Variants in LIN9 observed in about 807,000 individuals in gnomAD.
LIN9 encodes the protein protein lin-9 homolog.
In LIN9, 18 loss-of-function variants were observed where a neutral mutation model predicts 78.0. The observed-to-expected ratio is 0.23, with a 90% CI of 0.16 to 0.34. The LOEUF (loss-of-function observed/expected upper bound fraction) is 0.34, where lower values mean the gene tolerates loss of function less well. Ranked by LOEUF, LIN9 falls within the 10% of genes least tolerant of loss-of-function variation. The probability of loss-of-function intolerance (pLI) is 1.00; values close to 1 mark genes in which losing one functional copy is unlikely to be tolerated. For missense variants in LIN9, 451 were observed against 644.1 expected, an observed-to-expected ratio of 0.70 and a Z score of 3.25; for synonymous variants, 192 against 215.2, an observed-to-expected ratio of 0.89 and a Z score of 0.94.
At chr1:226,264,821 C>T (rs970785163) in intron 10 of LIN9, among the ~76,000 whole-genome samples, 5 of 152,038 alleles carry the variant, frequency 3.3e-5, no homozygotes, top group Non-Finnish European at 7.4e-5. Flanking sequence ...TGCACTCCAG[C>T]CTGGGCAACA....
intron 6 of LIN9, among the ~76,000 whole-genome samples, 184 bp downstream of exon 6, chr1:226,286,149 C>T (rs1474072996): frequency 6.6e-6 from 1 of 152,076 alleles, no homozygotes; most frequent in Non-Finnish European, 1.5e-5. Context: ...GGAATGGTCT[C>T]ACTGTGTTGC....
chr1:226,259,091 G>A (rs1047948322), intron 10 of LIN9, among the ~76,000 whole-genome samples: 2 of 151,020 alleles, frequency 1.3e-5, no homozygotes, highest in African/African-American at 4.9e-5. Flanking sequence ...CTCCCAAGTA[G>A]CTGGGATTAC....
chr1:226,265,723 T>C lies in LIN9; in HGVS notation c.937-89A>G. 1 of 682,032 alleles carries C rather than the reference T, an allele frequency of 1.5e-6. No homozygotes were observed. 42.2% of individuals were successfully genotyped at this position (682,032 alleles called of 1,614,324 possible). ...TTTTTATTTTTTTTTAGACGGAGTC[T>C]CGCTCTGTTGCCACTTGTGATCTCG... On this transcript the variant is annotated intron_variant, in intron 9 of 14. Coordinates refer to ENST00000681046, the MANE Select transcript of LIN9 (RefSeq NM_001366245.2). The surrounding 1 kb of genome is among the most constrained non-coding windows in gnomAD (Gnocchi z 4.1).
intron 10 of LIN9, among the ~76,000 whole-genome samples, chr1:226,253,637 C>T (rs1044350769): frequency 5.3e-5 from 8 of 150,666 alleles, no homozygotes; most frequent in African/African-American, 1.9e-4. Context: ...TAAAAAGGGC[C>T]GGGTACGGTG....
intron 7 of LIN9, among the ~76,000 whole-genome samples, chr1:226,269,980 G>C (rs1040312183): frequency 3.9e-5 from 6 of 152,148 alleles, no homozygotes; most frequent in Admixed American, 3.9e-4. Flanking sequence ...ATGGAATGCA[G>C]TGGCACGATC....
At chr1:226,234,255 A>G (rs1657540046) in intron 12 of LIN9, among the ~76,000 whole-genome samples, 1 of 152,224 alleles carries the variant, frequency 6.6e-6, no homozygotes, top group Non-Finnish European at 1.5e-5. Flanking sequence ...CAATTTTAGC[A>G]TCTGTTGATG....
intron 6 of LIN9, among the ~76,000 whole-genome samples, chr1:226,282,041 C>A (rs1308022718): frequency 2.6e-5 from 4 of 152,028 alleles, no homozygotes; most frequent in Admixed American, 2.0e-4. Context: ...CATATACAAT[C>A]AAAAAATGCA....
chr1:226,269,923 AATT>A, intron 7 of LIN9, among the ~76,000 whole-genome samples: 1 of 152,118 alleles, frequency 6.6e-6, no homozygotes, highest in African/African-American at 2.4e-5. Flanking sequence ...GTGACCACTA[AATT>A]ATTATTATTA....
intron 4 of LIN9, among the ~76,000 whole-genome samples, chr1:226,289,226 C>A (rs1661571375): frequency 6.8e-6 from 1 of 147,810 alleles, no homozygotes; most frequent in Admixed American, 6.8e-5. Flanking sequence ...CAGAGTGAGA[C>A]TCCATGTCAA....
At position 226,298,255 on chromosome 1, in the gene LIN9, C is replaced by A. The variant is rs563707934; in HGVS notation, c.65-442G>T. On this transcript the variant is annotated intron_variant, in intron 2 of 14. Transcript: ENST00000681046. ...CAGAGTACTTGCTCCATCGCCCAGG[C>A]TGGAGTGCAGTGGCACAATCTTGGC... is the stretch of plus-strand genomic sequence containing the variant. Among the ~76,000 whole-genome samples, 9 of 152,350 alleles carry A rather than the reference C, an allele frequency of 5.9e-5. No individual in the cohort carries two copies. The South Asian group carries it at 1.9e-3, about 32-fold the overall frequency.
rs562607941 is a variant in LIN9, at chr1:226,266,247, A to G, written c.902T>C (p.Leu301Ser). The G allele has an allele frequency of 1.8e-5, 28 of 1,596,958 alleles. No homozygotes were observed. The East Asian group carries it at 2.9e-4, about 17-fold the overall frequency. Residue 301 changes from leucine (L) to serine (S), a missense_variant, in exon 9 of 15, where the codon TTA (leucine) becomes TCA (serine). Coordinates refer to ENST00000681046, the MANE Select transcript of LIN9 (RefSeq NM_001366245.2). ...TGACTGGAGAGGAGGAGTATAATGT[A>G]ACCGTGGTGGGGTCATAAAAAATCG... ...PSRFFMTPPR[L>S]HYTPPLQSPI...
At chr1:226,302,547 CAAAAAAAAA>C (rs750572116) in intron 1 of LIN9, among the ~76,000 whole-genome samples, 1 of 79,120 alleles carries the variant, frequency 1.3e-5, no homozygotes, top group Admixed American at 1.4e-4. Context: ...ACTCCATGTC[CAAAAAAAAA>C]AAAAAAACAA....
At chr1:226,232,665 T>G (rs1336339716) in intron 14 of LIN9, 59 bp from the exon 15 acceptor site, 3 of 1,047,964 alleles carry the variant, frequency 2.9e-6, no homozygotes, top group Non-Finnish European at 4.2e-6. Context: ...AAAAAAATTT[T>G]TAAAAGAAGA....
intron 2 of LIN9, 83 bp from the exon 3 acceptor site, chr1:226,297,896 C>A: frequency 1.8e-6 from 1 of 554,362 alleles, no homozygotes; most frequent in Non-Finnish European, 3.0e-6. Flanking sequence ...TTCATAACAG[C>A]CATATATCTA....
intron 8 of LIN9, among the ~76,000 whole-genome samples, chr1:226,266,952 G>A (rs1558178134): frequency 1.3e-5 from 2 of 151,650 alleles, no homozygotes; most frequent in Admixed American, 6.6e-5. Context: ...GCTAATTTTT[G>A]TATTTTTAGT....
chr1:226,258,277 G>C (rs1441054107), intron 10 of LIN9, among the ~76,000 whole-genome samples: 1 of 151,804 alleles, frequency 6.6e-6, no homozygotes, highest in Non-Finnish European at 1.5e-5. Flanking sequence ...GAGGCAGGCA[G>C]ATTTCTTGTG....
At chr1:226,299,088 T>C (rs931910987) in intron 2 of LIN9, among the ~76,000 whole-genome samples, 2 of 152,236 alleles carry the variant, frequency 1.3e-5, no homozygotes, top group East Asian at 1.9e-4. Context: ...GATGTTTATA[T>C]AGAGGCATAG....
rs749600450 is a variant in LIN9, at chr1:226,254,028, CT to C, written c.1039-3110del. Among the ~76,000 whole-genome samples, 53 of 152,328 alleles carry C rather than the reference CT, an allele frequency of 3.5e-4. 1 individual carries two copies. Among genetic ancestry groups the C allele is most frequent in the Middle Eastern group, 3.4e-3 (1 of 294 alleles). ...CTCACTGCAGCCTCAACCTCCTGGG[CT>C]CAAGTGATCTTCCCACCTCAGACTC... On this transcript the variant is annotated intron_variant, in intron 10 of 14. Coordinates refer to ENST00000681046, the MANE Select transcript of LIN9 (RefSeq NM_001366245.2).
intron 6 of LIN9, among the ~76,000 whole-genome samples, chr1:226,282,554 C>G (rs535690061): frequency 2.4e-4 from 36 of 152,332 alleles, no homozygotes; most frequent in African/African-American, 8.4e-4. Context: ...GGCGCGGTGG[C>G]TCACGCCTGT....
Sources: allele counts gnomAD v4.1 joint callset (sites outside exome capture counted in the v4.1 genomes callset), GRCh38; gene constraint gnomAD v4.1.1; non-coding constraint Gnocchi (gnomAD v3.1); transcripts MANE v1.5; gene names NCBI Gene and HGNC (gene_info 2026-07-23, HGNC 2026-07-21).